Variants in DLEU7 observed in about 807,000 individuals in gnomAD.
DLEU7 encodes the protein deleted in lymphocytic leukemia 7, also known as leukemia-associated protein 7.
Under a neutral mutation model 16.0 loss-of-function variants are expected in DLEU7, and 17 were observed. The ratio of observed to expected loss-of-function variants is 1.06; its 90% CI spans 0.73 to 1.59. DLEU7 has a LOEUF of 1.59. Ranked by LOEUF, DLEU7 falls within the 40% of genes most tolerant of loss-of-function variation. DLEU7 has a pLI of 0.00. For synonymous variants in DLEU7, 113 were observed against 139.8 expected, an observed-to-expected ratio of 0.81 and a Z score of 1.35; for missense variants, 308 against 314.9, an observed-to-expected ratio of 0.98 and a Z score of 0.17.
At chr13:50,725,998 T>G (rs1873752997) in intron 1 of DLEU7, among the ~76,000 whole-genome samples, 1 of 152,196 alleles carries the variant, frequency 6.6e-6, no homozygotes, top group South Asian at 2.1e-4. Context: ...GCAGCATCAT[T>G]TGTATGCAGC....
intron 1 of DLEU7, among the ~76,000 whole-genome samples, chr13:50,755,243 A>G (rs1874718896): frequency 6.6e-6 from 1 of 152,216 alleles, no homozygotes. Context: ...TGTCTCTAGC[A>G]AGGCTGGGAA....
At chr13:50,842,081 C>A (rs1877682676) in intron 1 of DLEU7, among the ~76,000 whole-genome samples, 1 of 152,054 alleles carries the variant, frequency 6.6e-6, no homozygotes, top group Non-Finnish European at 1.5e-5. Context: ...CAACCCCCGA[C>A]AACAAAGAAT....
chr13:50,790,181 C>T (rs1262878035), intron 1 of DLEU7, among the ~76,000 whole-genome samples: 1 of 152,116 alleles, frequency 6.6e-6, no homozygotes, highest in Non-Finnish European at 1.5e-5. Context: ...GATCCACCCT[C>T]CTCGGCCTCC....
intron 1 of DLEU7, among the ~76,000 whole-genome samples, chr13:50,754,788 G>A (rs1874702562): frequency 6.6e-6 from 1 of 152,132 alleles, no homozygotes; most frequent in Admixed American, 6.5e-5. Flanking sequence ...TAGGTCCTGT[G>A]TGATTTATAC....
At chr13:50,809,431 C>A (rs1264752506) in intron 1 of DLEU7, among the ~76,000 whole-genome samples, 1 of 152,042 alleles carries the variant, frequency 6.6e-6, no homozygotes. Flanking sequence ...TACTTGACGC[C>A]GGACATAATG....
chr13:50,719,769 G>A (rs190545672), intron 1 of DLEU7: 45 of 152,334 alleles, frequency 3.0e-4, no homozygotes, highest in African/African-American at 9.4e-4. Flanking sequence ...TAGTTAGCAA[G>A]TTAGAACTGT....
intron 1 of DLEU7, among the ~76,000 whole-genome samples, chr13:50,817,830 G>A (rs1215106817): frequency 6.6e-6 from 1 of 152,026 alleles, no homozygotes; most frequent in African/African-American, 2.4e-5. Flanking sequence ...CAGTCAAAAG[G>A]ATGTAAGATA....
downstream of DLEU7, chr13:50,711,776 G>GGGGGGT (rs1566225409): frequency 2.6e-4 from 31 of 118,806 alleles, 4 homozygotes; most frequent in African/African-American, 1.1e-3. Context: ...CAGTGGCGGG[G>GGGGGGT]GCGGGGGGCA....
At chr13:50,714,133 C>T (rs1199453205) in intron 1 of DLEU7, among the ~76,000 whole-genome samples, 1 of 152,204 alleles carries the variant, frequency 6.6e-6, no homozygotes, top group African/African-American at 2.4e-5. Flanking sequence ...CTTGCAGGAT[C>T]ATTGTAGGAA....
At chr13:50,756,979 G>T (rs1487582550) in intron 1 of DLEU7, among the ~76,000 whole-genome samples, 1 of 152,160 alleles carries the variant, frequency 6.6e-6, no homozygotes, top group Admixed American at 6.5e-5. Flanking sequence ...CGCAAATTAA[G>T]CCTTCTTTTA....
At chr13:50,765,912 T>A (rs1299197408) in intron 1 of DLEU7, among the ~76,000 whole-genome samples, 1 of 152,166 alleles carries the variant, frequency 6.6e-6, no homozygotes, top group Non-Finnish European at 1.5e-5. Flanking sequence ...GTCAAATGCT[T>A]TTTCTCTAAG....
chr13:50,718,966 G>A (rs536656983), intron 1 of DLEU7, among the ~76,000 whole-genome samples: 4 of 152,154 alleles, frequency 2.6e-5, no homozygotes, highest in Non-Finnish European at 5.9e-5. Flanking sequence ...CTGTAATGAG[G>A]TCTTCCCATT....
At chr13:50,799,306 C>T (rs1876186138) in intron 1 of DLEU7, among the ~76,000 whole-genome samples, 1 of 152,166 alleles carries the variant, frequency 6.6e-6, no homozygotes, top group Non-Finnish European at 1.5e-5. Context: ...CAATCCTCAG[C>T]AGAAATGGCC....
At chr13:50,819,731 A>C (rs1466894268), downstream of DLEU7, among the ~76,000 whole-genome samples, 2 of 152,208 alleles carry the variant, frequency 1.3e-5, no homozygotes, top group Non-Finnish European at 2.9e-5. Context: ...GAAAGATGGC[A>C]GAGAAGCAGT....
At chr13:50,792,318 T>C (rs191726631) in intron 1 of DLEU7, among the ~76,000 whole-genome samples, 10 of 152,296 alleles carry the variant, frequency 6.6e-5, no homozygotes, top group Non-Finnish European at 1.5e-5. Context: ...CAACATTCCA[T>C]CCTGGAAGAT....
chr13:50,723,415 T>TACAC (rs35069706), intron 1 of DLEU7, among the ~76,000 whole-genome samples: 201 of 148,360 alleles, frequency 1.4e-3, no homozygotes, highest in South Asian at 0.013. Context: ...ACAATAATTG[T>TACAC]ACACACACAC....
intron 1 of DLEU7, among the ~76,000 whole-genome samples, chr13:50,828,858 C>T (rs889810168): frequency 6.6e-6 from 1 of 152,174 alleles, no homozygotes; most frequent in Non-Finnish European, 1.5e-5. Flanking sequence ...AGGACAGAAC[C>T]ATACCATGCT....
chr13:50,799,444 G>T lies in DLEU7; in HGVS notation c.459+43744C>A, dbSNP rs866377368. The stretch of plus-strand genomic sequence containing the variant: ...CCATGTCTCACCTTCACTCCAGCCG[G>T]TTGGTCAGATTAGTAACTAACTGCC... On this transcript the variant is annotated intron_variant, in intron 1 of 1. Transcript: ENST00000400393. Among the ~76,000 whole-genome samples, 14 of 152,294 alleles carry T rather than the reference G, an allele frequency of 9.2e-5. 1 individual carries two copies. The South Asian group carries it at 1.2e-3, about 14-fold the overall frequency.
At chr13:50,789,104 C>G (rs974266494) in intron 1 of DLEU7, among the ~76,000 whole-genome samples, 2 of 152,024 alleles carry the variant, frequency 1.3e-5, no homozygotes, top group African/African-American at 4.8e-5. Context: ...AGAAGGTTGT[C>G]TGTTTTCTGC....
Sources: allele counts gnomAD v4.1 joint callset (sites outside exome capture counted in the v4.1 genomes callset), GRCh38; gene constraint gnomAD v4.1.1; transcripts MANE v1.5; gene names NCBI Gene and HGNC (gene_info 2026-07-23, HGNC 2026-07-21).